SUN5: variants seen among roughly 807,000 people sequenced by gnomAD.
SUN5 encodes SUN domain-containing protein 5.
SUN5 carries 44 observed loss-of-function variants against 53.7 expected under a neutral mutation model. The observed-to-expected ratio is 0.82, with a 90% CI of 0.64 to 1.05. The LOEUF (loss-of-function observed/expected upper bound fraction) is 1.05, where lower values mean the gene tolerates loss of function less well. Ranked by LOEUF, SUN5 falls within the 50% of genes least tolerant of loss-of-function variation. The pLI, the probability that SUN5 is intolerant of heterozygous loss-of-function variation, is 0.00. For missense variants in SUN5, 433 were observed against 483.8 expected (o/e 0.90, Z 0.98); for synonymous variants, 166 against 179.8 (o/e 0.92, Z 0.62).
chr20:32,983,992 C>T, intron 12 of SUN5, 43 bp from the exon 13 acceptor site: 1 of 1,470,082 alleles, frequency 6.8e-7, no homozygotes, highest in South Asian at 1.5e-5. Context: ...CCATAGACTC[C>T]CACCCTGCCT....
chr20:32,993,483 T>C (rs1429667161), intron 8 of SUN5, among the ~76,000 whole-genome samples: 1 of 152,238 alleles, frequency 6.6e-6, no homozygotes, highest in African/African-American at 2.4e-5. Flanking sequence ...GACAAAGAGC[T>C]AAAGTAACAA....
chr20:33,001,566 T>TTTCTTTCTTTCTTTTCTTC (rs1568970962), intron 3 of SUN5, among the ~76,000 whole-genome samples: 3 of 45,624 alleles, frequency 6.6e-5, no homozygotes, highest in East Asian at 7.9e-4. Context: ...TTCTTTCTTT[T>TTTCTTTCTTTCTTTTCTTC]CTTCCTTCCT....
At chr20:33,003,741 A>G (rs924985875) in intron 1 of SUN5, among the ~76,000 whole-genome samples, 1 of 152,150 alleles carries the variant, frequency 6.6e-6, no homozygotes, top group Non-Finnish European at 1.5e-5. Flanking sequence ...TTCCTGAATA[A>G]TATAAATTAA....
chr20:33,002,909 G>A lies in SUN5; in HGVS notation c.88C>T (p.Arg30Ter), dbSNP rs566258635. 1.9e-5 allele frequency: 30 copies of A among 1,613,998 alleles called. No individual in the cohort carries two copies. The highest frequency in any genetic ancestry group is 2.4e-5 in the Non-Finnish European group (28 of 1,180,020). ...GCCATCCTGCTGGTGTTCCGGCCTCGCTGGGCAATCCTGGGGATGATAAGA... is the reference window on the plus strand; with the variant it reads ...GCCATCCTGCTGGTGTTCCGGCCTCACTGGGCAATCCTGGGGATGATAAGA... ...HNPRPRRIAQ[R>*]GRNTSRMAED... is the part of the protein sequence containing the mutation. The change falls in exon 2 of 13, where the codon CGA becomes TGA. Residue 30 changes from arginine to a stop codon, truncating the protein, a stop_gained. Transcript: ENST00000356173. LOFTEE classifies it high-confidence loss of function.
At chr20:32,993,993 G>T (rs1039762968) in intron 8 of SUN5, among the ~76,000 whole-genome samples, 4 of 152,204 alleles carry the variant, frequency 2.6e-5, no homozygotes, top group Non-Finnish European at 4.4e-5. Context: ...ATCCAAGTTT[G>T]CTCCTGGCGG....
At chr20:32,988,215 G>T (rs144772132) in intron 9 of SUN5, among the ~76,000 whole-genome samples, 1 of 152,146 alleles carries the variant, frequency 6.6e-6, no homozygotes, top group Non-Finnish European at 1.5e-5. Flanking sequence ...TTGTGATGAC[G>T]ACCGACACCC....
intron 3 of SUN5, among the ~76,000 whole-genome samples, chr20:33,001,510 TCTTTCTTTC>T (rs1990011326): frequency 2.4e-5 from 1 of 42,082 alleles, no homozygotes; most frequent in Non-Finnish European, 4.1e-5. Flanking sequence ...ACAGACATTT[TCTTTCTTTC>T]TTCTTTCTTT....
At chr20:32,994,598 A>AT in intron 8 of SUN5, among the ~76,000 whole-genome samples, 1 of 152,326 alleles carries the variant, frequency 6.6e-6, no homozygotes, top group Middle Eastern at 3.4e-3. Context: ...ACAATGCAGT[A>AT]TCTGAAATTA....
At chr20:33,003,222 G>A (rs1220497526) in intron 1 of SUN5, among the ~76,000 whole-genome samples, 3 of 152,152 alleles carry the variant, frequency 2.0e-5, no homozygotes, top group African/African-American at 7.2e-5. Flanking sequence ...CATTTTGATT[G>A]GTCGAAGCCT....
At chr20:32,997,808 T>A (rs1396681757) in intron 5 of SUN5, 121 bp from the exon 6 acceptor site, 1 of 963,192 alleles carries the variant, frequency 1.0e-6, no homozygotes, top group African/African-American at 1.6e-5. Context: ...TGTGCAACAC[T>A]GGGGGAATTA....
intron 2 of SUN5, 51 bp downstream of exon 2, chr20:33,002,810 C>T: frequency 6.2e-7 from 1 of 1,611,976 alleles, no homozygotes; most frequent in South Asian, 1.1e-5. Context: ...ATCCCTGAGC[C>T]TCAGCCCCTC....
chr20:32,992,057 A>T (rs1485640941), intron 8 of SUN5, among the ~76,000 whole-genome samples: 3 of 152,230 alleles, frequency 2.0e-5, no homozygotes, highest in African/African-American at 7.2e-5. Context: ...TTGCGAATTC[A>T]TCTGCCCAGC....
At chr20:32,984,048 G>C (rs1012901684) in intron 12 of SUN5, 99 bp from the exon 13 acceptor site, 2 of 1,402,438 alleles carry the variant, frequency 1.4e-6, no homozygotes, top group Admixed American at 5.3e-5. Flanking sequence ...TTCATAGGTG[G>C]GAAAACTAAG....
chr20:32,993,557 A>C (rs1989760467), intron 8 of SUN5, among the ~76,000 whole-genome samples: 1 of 152,228 alleles, frequency 6.6e-6, no homozygotes, highest in Non-Finnish European at 1.5e-5. Context: ...ACTGAATTTC[A>C]AGACTATAGG....
rs771897270 is a variant in SUN5, at chr20:32,997,698, A to G, written c.341-11T>C. 1.2e-6 allele frequency: 2 copies of G among 1,613,998 alleles called. No individual in the cohort carries two copies. The highest frequency in any genetic ancestry group is 2.2e-5 in the East Asian group (1 of 44,872). On this transcript the variant is annotated splice_polypyrimidine_tract_variant and intron_variant, in intron 5 of 12. Transcript: ENST00000356173. ...AAAACATCCAGAATCCTGTGAGGCC[A>G]TGAGAATAAGAATGAGCCATTTAAC...
chr20:32,987,964 T>C lies in SUN5; in HGVS notation c.614-189A>G, dbSNP rs115815271. 9.1e-3 allele frequency among the ~76,000 whole-genome samples: 1,380 copies of C among 152,218 alleles called. 21 individuals carry two copies. Among genetic ancestry groups the C allele is most frequent in the African/African-American group, 0.03 (1,255 of 41,524 alleles). On this transcript the variant is annotated intron_variant, in intron 9 of 12. Coordinates refer to ENST00000356173, the MANE Select transcript of SUN5 (RefSeq NM_080675.4). ...ATGGTGGCTATTATTTTTTATTTTATCTTATATTTTTTGAGATGGAGTCTT... is the reference window on the plus strand; with the variant it reads ...ATGGTGGCTATTATTTTTTATTTTACCTTATATTTTTTGAGATGGAGTCTT...
At chr20:33,001,542 CTTTCTTTCTTTCTTTCTTTCT>C (rs1990021486) in intron 3 of SUN5, among the ~76,000 whole-genome samples, 1 of 134,690 alleles carries the variant, frequency 7.4e-6, no homozygotes, top group African/African-American at 3.7e-5. Context: ...TTCTTTCTTT[CTTTCTTTCTTTCTTTCTTTCT>C]TTTCTTCCTT....
chr20:32,994,916 C>G (rs1008891205), intron 8 of SUN5, among the ~76,000 whole-genome samples: 1 of 151,192 alleles, frequency 6.6e-6, no homozygotes, highest in African/African-American at 2.4e-5. Context: ...ATTGGAGAGA[C>G]AGAATGATGC....
chr20:32,987,538 T>C, intron 10 of SUN5, 122 bp downstream of exon 10: 1 of 586,648 alleles, frequency 1.7e-6, no homozygotes, highest in Non-Finnish European at 2.8e-6. Flanking sequence ...CTCCTACCTC[T>C]AACCCCGCCC....
Sources: gnomAD v4.1 joint callset for allele counts (sites outside exome capture counted in the v4.1 genomes callset) on GRCh38, gnomAD v4.1.1 for gene constraint, MANE v1.5 for transcripts, NCBI Gene and HGNC (gene_info 2026-07-23, HGNC 2026-07-21) for gene names.